The following PHRF1 variants were observed in gnomAD, a reference collection of about 807,000 sequenced individuals.
The protein encoded by PHRF1 is PHD and RING finger domain-containing protein 1.
Under a neutral mutation model 128.9 loss-of-function variants are expected in PHRF1, and 53 were observed. The ratio of observed to expected loss-of-function variants is 0.41; its 90% confidence interval spans 0.33 to 0.52. PHRF1 has a LOEUF of 0.52. Ranked by LOEUF, PHRF1 falls within the 20% of genes least tolerant of loss-of-function variation. The pLI, the probability that PHRF1 is intolerant of heterozygous loss-of-function variation, is 0.21. For missense variants in PHRF1, 2,503 were observed against 2,284.5 expected (o/e 1.10, Z -1.95); for synonymous variants, 1,178 against 980.6 (o/e 1.20, Z -3.76).
rs750089113 is a variant in PHRF1 at position 609,249 on chromosome 11, G to A, written c.3793G>A (p.Val1265Met). Residue 1265 changes from valine (V) to methionine (M), a missense_variant, in exon 14 of 18, where the codon GTG (valine) becomes ATG (methionine). By Grantham distance (21) the Val-to-Met change is conservative. Transcript: ENST00000264555. ...CCTGGACCTGGATTATGGCGACTCC[G>A]TGGAGGCCGGACACGTCTTTGATGA... is the stretch of plus-strand genomic sequence containing the variant. ...DDLDLDYGDSVEAGHVFDDFS... is the reference protein window; with the variant it reads ...DDLDLDYGDSMEAGHVFDDFS... The A allele has an allele frequency of 1.1e-5, 18 of 1,611,506 alleles. No individual in the cohort carries two copies. In the East Asian group the frequency reaches 1.8e-4, roughly 16 times the overall value.
At position 582,681 on chromosome 11, in the gene PHRF1, A is replaced by C. The variant is rs1224729357; in HGVS notation, c.214+600A>C. On this transcript the variant is annotated intron_variant, in intron 3 of 17. Transcript: ENST00000264555. ...CTGGGACTACAGGCGCCCGCCACCA[A>C]GCCTGGCTAATTTTTTGTATTTTTA... 2.7e-5 allele frequency among the ~76,000 whole-genome samples: 4 copies of C among 150,724 alleles called. No individual in the cohort carries two copies. The Admixed American group carries it at 2.7e-4, about 10-fold the overall frequency.
chr11:605,883 G>A (rs542765007), intron 12 of PHRF1, among the ~76,000 whole-genome samples, 159 bp downstream of exon 12: 18 of 152,352 alleles, frequency 1.2e-4, no homozygotes, highest in Admixed American at 8.5e-4. Flanking sequence ...TTGGCGTGAG[G>A]CAGTGCTGCA....
intron 9 of PHRF1, among the ~76,000 whole-genome samples, chr11:599,572 A>C (rs973918815): frequency 6.6e-6 from 1 of 152,114 alleles, no homozygotes; most frequent in African/African-American, 2.4e-5. Flanking sequence ...CGTGCTTTTT[A>C]TTAAGTGAAT....
In PHRF1 at chr11:608,912, G is replaced by A. The variant is rs534230407; in HGVS notation, c.3456G>A (p.Val1152=). Residue 1152 remains valine, a synonymous_variant, in exon 14 of 18, where the codon GTG becomes GTA. Transcript: ENST00000264555. ...AGCGGCCAGACAGGAAGGAGAGTGT[G>A]GCGTGGCCCCGAGACCGGAGGAAGC... ...SHERPDRKES[V]AWPRDRRKRR... is the part of the protein sequence containing the mutation. 939 of 1,612,020 alleles carry A rather than the reference G, an allele frequency of 5.8e-4. 4 individuals carry two copies. Among genetic ancestry groups the A allele is most frequent in the Non-Finnish European group, 7.6e-4 (891 of 1,179,752 alleles).
chr11:592,761 T>C (rs1468578388), intron 6 of PHRF1, 87 bp downstream of exon 6: 34 of 1,429,666 alleles, frequency 2.4e-5, no homozygotes, highest in Non-Finnish European at 3.1e-5. Flanking sequence ...CTTCGCTCTG[T>C]GAAGTCTGAG....
intron 9 of PHRF1, among the ~76,000 whole-genome samples, chr11:600,159 GATATCTA>G (rs1455849726): frequency 2.0e-5 from 3 of 151,962 alleles, no homozygotes; most frequent in Non-Finnish European, 4.4e-5. Context: ...AACTATGTAA[GATATCTA>G]ATGGTGCACT....
intron 3 of PHRF1, among the ~76,000 whole-genome samples, chr11:582,651 A>C (rs1193561046): frequency 6.6e-6 from 1 of 151,514 alleles, no homozygotes; most frequent in Non-Finnish European, 1.5e-5. Context: ...CAGCCTCCCG[A>C]GTAGCTGGGA....
intron 1 of PHRF1, among the ~76,000 whole-genome samples, chr11:580,482 G>T (rs983707749): frequency 6.6e-6 from 1 of 152,184 alleles, no homozygotes; most frequent in Admixed American, 6.6e-5. Context: ...TCAGCTCTGG[G>T]TACCACTGGG....
rs775564327 is a variant in PHRF1, at chr11:608,604, A to G, written c.3148A>G (p.Lys1050Glu). 22 of 1,612,252 alleles carry G rather than the reference A, an allele frequency of 1.4e-5. 1 individual carries two copies. The South Asian group carries it at 2.1e-4, about 15-fold the overall frequency. ...CCCCAGGAGGCAGCGGTCCAAGGCC[A>G]AGAGCCGGCGGTCCTCCAGTGACCG... is the stretch of plus-strand genomic sequence containing the variant. ...ERPRRQRSKA[K>E]SRRSSSDRSS... is the part of the protein sequence containing the mutation. Residue 1050 changes from lysine to glutamate, a missense_variant, in exon 14 of 18, where the codon AAG (lysine) becomes GAG (glutamate). Lys to Glu is a moderately conservative substitution (Grantham distance 56, BLOSUM62 1). Transcript: ENST00000264555.
In PHRF1 at chr11:598,447, C is replaced by T. The variant is rs770348053; in HGVS notation, c.969C>T (p.Ala323=). ...IEAVATGLST[A]VYQRPLTPRT... is the part of the protein sequence containing the mutation. ...CTGTGGCGACTGGCCTGAGCACTGC[C>T]GTGTATCAGCGCCCCCTGACGCCGC... The change falls in exon 9 of 18, where the codon GCC becomes GCT. Residue 323 remains alanine, a synonymous_variant. Coordinates refer to ENST00000264555, the MANE Select transcript of PHRF1 (RefSeq NM_001286581.2). 38 of 1,610,962 alleles carry T rather than the reference C, an allele frequency of 2.4e-5. No individual in the cohort carries two copies. The South Asian group carries it at 3.3e-4, about 14-fold the overall frequency.
At chr11:603,630 G>A (rs1589892201) in intron 10 of PHRF1, among the ~76,000 whole-genome samples, 1 of 150,114 alleles carries the variant, frequency 6.7e-6, no homozygotes, top group African/African-American at 2.5e-5. Flanking sequence ...CGCCAAGTCT[G>A]CTGCATCTTT....
intron 9 of PHRF1, among the ~76,000 whole-genome samples, chr11:600,675 A>G (rs946981222): frequency 6.6e-6 from 1 of 151,852 alleles, no homozygotes; most frequent in Admixed American, 6.6e-5. Context: ...TATTAAAAAT[A>G]CAAAAATTAG....
intron 14 of PHRF1, 118 bp downstream of exon 14, chr11:609,838 C>G: frequency 1.4e-6 from 1 of 693,446 alleles, no homozygotes; most frequent in Non-Finnish European, 2.3e-6. Context: ...GACAGAGCCC[C>G]CCGTGAGTAG....
chr11:602,761 G>GT lies in PHRF1; in HGVS notation c.1152+1068dup, dbSNP rs1374012486. Among the ~76,000 whole-genome samples, 126 of 137,200 alleles carry GT rather than the reference G, an allele frequency of 9.2e-4. 1 individual carries two copies. Among genetic ancestry groups the GT allele is most frequent in the South Asian group, 5.1e-3 (23 of 4,476 alleles). 90.0% of individuals were successfully genotyped at this position (137,200 alleles called of 152,430 possible). On this transcript the variant is annotated intron_variant, in intron 10 of 17. Transcript: ENST00000264555. ...CTGAATCTTTTTTGGTTTTGTTTTT[G>GT]TTTTTTTTGTTTTTTTTTTTGAGAT...
rs1016832683 is a variant in PHRF1, at chr11:608,172, C to T, written c.2716C>T (p.Arg906Trp). ...ACCGTCCTCCGCCATGTCCAAGCTC[C>T]GGGGTGCAGTGGCTGCCGAGGGGGC... is the stretch of plus-strand genomic sequence containing the variant. ...LGPSSAMSKL[R>W]GAVAAEGASD... The change falls in exon 14 of 18, where the codon CGG becomes TGG. Residue 906 changes from arginine (R) to tryptophan (W), a missense_variant. By Grantham distance (101) the Arg-to-Trp change is moderately radical. Coordinates refer to ENST00000264555, the MANE Select transcript of PHRF1 (RefSeq NM_001286581.2). 6 of 1,610,520 alleles carry T rather than the reference C, an allele frequency of 3.7e-6. No individual in the cohort carries two copies. Among genetic ancestry groups the T allele is most frequent in the East Asian group, 2.2e-5 (1 of 44,890 alleles).
intron 9 of PHRF1, 38 bp from the exon 10 acceptor site, chr11:601,536 A>G (rs779537934): frequency 2.5e-6 from 4 of 1,612,538 alleles, no homozygotes; most frequent in Admixed American, 1.7e-5. Flanking sequence ...GGGAGGGCCC[A>G]GCACAGAGAA....
In PHRF1 at chr11:597,968, T is replaced by G. The variant is rs753556499; in HGVS notation, c.894+398T>G. ...CTCCGTCCTGACAGCAGCCTTTCCC[T>G]GGGCATTGGACAAGCAGGAGGGTCT... is the stretch of plus-strand genomic sequence containing the variant. On this transcript the variant is annotated intron_variant, in intron 8 of 17. Coordinates refer to ENST00000264555, the MANE Select transcript of PHRF1 (RefSeq NM_001286581.2). This position sits in a 1 kb window ranked among gnomAD's most constrained non-coding sequence, Gnocchi z 6.5. Among the ~76,000 whole-genome samples the G allele has an allele frequency of 6.6e-6, 1 of 152,176 alleles. No homozygotes were observed. The highest frequency in any genetic ancestry group is 1.5e-5 in the Non-Finnish European group (1 of 68,018).
Position 608,196 on chromosome 11 carries a change from G to T in PHRF1, c.2740G>T (p.Ala914Ser), listed in dbSNP as rs371082986. 3.1e-6 allele frequency: 5 copies of T among 1,609,692 alleles called. No homozygotes were observed. In the Admixed American group the frequency reaches 6.7e-5, roughly 21 times the overall value. Residue 914 changes from alanine to serine, a missense_variant, in exon 14 of 18, where the codon GCC becomes TCC. By Grantham distance (99) the Ala-to-Ser change is moderately conservative. Coordinates refer to ENST00000264555, the MANE Select transcript of PHRF1 (RefSeq NM_001286581.2). ...CCGGGGTGCAGTGGCTGCCGAGGGG[G>T]CCTCTGACACGGAGCGAGAGGAGCC... is the stretch of plus-strand genomic sequence containing the variant. Reference protein sequence around the residue: ...KLRGAVAAEGASDTEREEPTE... With the variant: ...KLRGAVAAEGSSDTEREEPTE...
At position 587,277 on chromosome 11, in the gene PHRF1, A is replaced by G; in HGVS notation, c.233A>G (p.Asp78Gly). The G allele has an allele frequency of 1.4e-5, 23 of 1,613,466 alleles. No individual in the cohort carries two copies. Among genetic ancestry groups the G allele is most frequent in the Non-Finnish European group, 1.9e-5 (23 of 1,179,874 alleles). Residue 78 changes from aspartate to glycine, a missense_variant, in exon 4 of 18, where the codon GAC (aspartate) becomes GGC (glycine). By Grantham distance (94) the Asp-to-Gly change is moderately conservative (BLOSUM62 -1). Coordinates refer to ENST00000264555, the MANE Select transcript of PHRF1 (RefSeq NM_001286581.2). ...EDRSGSEDSE[D>G]DGETLLEVAG... ...TCTCCAGGTTCCGAGGATTCTGAAG[A>G]CGACGGGGAGACATTGCTGGAGGTA...
Sources: allele counts gnomAD v4.1 joint callset (sites outside exome capture counted in the v4.1 genomes callset), GRCh38; gene constraint gnomAD v4.1.1; non-coding constraint Gnocchi (gnomAD v3.1); transcripts MANE v1.5; gene names NCBI Gene and HGNC (gene_info 2026-07-23, HGNC 2026-07-21).